NEBL: variants seen among roughly 807,000 people sequenced by gnomAD.
The protein encoded by NEBL is nebulette.
Under a neutral mutation model 140.2 loss-of-function variants are expected in NEBL, and 122 were observed. That is an observed-to-expected ratio of 0.87 (90% confidence interval 0.75 to 1.01). The LOEUF (loss-of-function observed/expected upper bound fraction) is 1.01, where lower values mean the gene tolerates loss of function less well. Among genes scored for constraint, NEBL ranks in the 50% least tolerant of loss-of-function variants. The pLI, the probability that NEBL is intolerant of heterozygous loss-of-function variation, is 0.00. For missense variants in NEBL, 1,365 were observed against 1,231.3 expected (o/e 1.11, Z -1.62); for synonymous variants, 436 against 398.9 (o/e 1.09, Z -1.11).
intron 5 of NEBL, among the ~76,000 whole-genome samples, chr10:20,875,223 G>T (rs557538902): frequency 6.6e-5 from 10 of 152,032 alleles, no homozygotes; most frequent in African/African-American, 2.4e-4. Context: ...TCCCACTTCT[G>T]TTTCATAAGA....
chr10:21,238,577 G>T (rs975793707), intron 3 of NEBL, among the ~76,000 whole-genome samples: 1 of 151,886 alleles, frequency 6.6e-6, no homozygotes, highest in Non-Finnish European at 1.5e-5. Context: ...GGGCTTGATG[G>T]TGCATGCCTG....
chr10:21,176,915 T>C (rs1202142488), upstream of NEBL, among the ~76,000 whole-genome samples: 1 of 152,240 alleles, frequency 6.6e-6, no homozygotes, highest in Non-Finnish European at 1.5e-5. Flanking sequence ...TCAATTATAA[T>C]CACCTTTATT....
intron 3 of NEBL, among the ~76,000 whole-genome samples, chr10:21,180,369 T>C (rs1841367996): frequency 1.3e-5 from 2 of 152,164 alleles, no homozygotes; most frequent in Admixed American, 6.5e-5. Context: ...GAAAGGGAGA[T>C]GGTATGATTC....
chr10:21,079,540 A>C (rs894454332), intron 2 of NEBL, among the ~76,000 whole-genome samples: 7 of 152,162 alleles, frequency 4.6e-5, no homozygotes, highest in Non-Finnish European at 1.0e-4. Flanking sequence ...GCAACACCAC[A>C]CAGCCTTCAG....
At chr10:21,281,335 G>A (rs1842990939) in intron 1 of NEBL, among the ~76,000 whole-genome samples, 1 of 151,742 alleles carries the variant, frequency 6.6e-6, no homozygotes. Context: ...TTTTGTGTGT[G>A]TGTTTTTAGA....
chr10:21,155,716 G>C (rs1435312453), intron 2 of NEBL, among the ~76,000 whole-genome samples: 1 of 152,212 alleles, frequency 6.6e-6, no homozygotes, highest in Non-Finnish European at 1.5e-5. Flanking sequence ...GACCAGAAGA[G>C]TGAAATAGGG....
At chr10:21,126,088 A>G in intron 2 of NEBL, 1 of 1,613,884 alleles carries the variant, frequency 6.2e-7, no homozygotes, top group Non-Finnish European at 8.5e-7. Flanking sequence ...GGGAGGCCTC[A>G]GGCCCTTCTC....
intron 2 of NEBL, among the ~76,000 whole-genome samples, chr10:21,099,084 G>A (rs1242139088): frequency 1.3e-5 from 2 of 152,204 alleles, no homozygotes; most frequent in Non-Finnish European, 2.9e-5. Context: ...AGTGAGCCAT[G>A]ATCGTGCCAC....
chr10:21,240,336 T>C (rs1842423058), intron 3 of NEBL, among the ~76,000 whole-genome samples: 2 of 152,262 alleles, frequency 1.3e-5, no homozygotes, highest in East Asian at 1.9e-4. Context: ...AATCGCTTGG[T>C]TCATTTTTTT....
At chr10:20,853,096 A>G (rs1842708941) in intron 9 of NEBL, among the ~76,000 whole-genome samples, 1 of 152,236 alleles carries the variant, frequency 6.6e-6, no homozygotes, top group Non-Finnish European at 1.5e-5. Flanking sequence ...GAGGCAAGGA[A>G]TAAAAAAGTC....
intron 2 of NEBL, among the ~76,000 whole-genome samples, chr10:21,115,188 T>C (rs143822902): frequency 1.8e-3 from 278 of 152,142 alleles, no homozygotes; most frequent in African/African-American, 6.1e-3. Flanking sequence ...CTTTTTCCCT[T>C]TTGCCCCTTC....
At chr10:20,786,798 G>A (rs536494860) in intron 27 of NEBL, among the ~76,000 whole-genome samples, 2 of 152,274 alleles carry the variant, frequency 1.3e-5, no homozygotes, top group South Asian at 2.1e-4. Flanking sequence ...TTTCCAATGG[G>A]GGATTTGAAG....
At chr10:20,798,756 T>C (rs74120665) in intron 26 of NEBL, among the ~76,000 whole-genome samples, 4,454 of 152,296 alleles carry the variant, frequency 0.029, 202 homozygotes, top group African/African-American at 0.1. Context: ...TAATGTTGTA[T>C]TGTTTCTAGT....
intron 3 of NEBL, among the ~76,000 whole-genome samples, chr10:21,195,130 C>T (rs1188351386): frequency 6.6e-6 from 1 of 152,058 alleles, no homozygotes; most frequent in Non-Finnish European, 1.5e-5. Flanking sequence ...AATTTCCTAG[C>T]CCTGTCAACC....
At position 20,787,290 on chromosome 10, in the gene NEBL, G is replaced by A. The variant is rs1461781149; in HGVS notation, c.2780C>T (p.Ala927Val). 6.2e-7 allele frequency: 1 copy of A among 1,612,962 alleles called. No homozygotes were observed. Among genetic ancestry groups the A allele is most frequent in the African/African-American group, 1.3e-5 (1 of 74,870 alleles). Residue 927 changes from alanine to valine, a missense_variant, in exon 27 of 28, where the codon GCC (alanine) becomes GTC (valine). Physicochemically the swap from Ala to Val is moderately conservative, Grantham distance 64 (BLOSUM62 0). This residue lies in a region of NEBL where 1,323 missense variants were observed against 1,154.8 expected (regional missense o/e 1.15). Transcript: ENST00000377122. ...GCCTTGGGAATGGCTTTGCTGATAG[G>A]CTCCGGGAAGAACAGGTGCTGCATG... ...SDEGAPVLPG[A>V]YQQSHSQGYG...
intron 7 of NEBL, among the ~76,000 whole-genome samples, chr10:20,864,094 T>G (rs1844015489): frequency 6.6e-6 from 1 of 152,206 alleles, no homozygotes; most frequent in Admixed American, 6.5e-5. Flanking sequence ...TTTAAAACAA[T>G]GCTAATTATT....
chr10:20,854,996 A>AGGCG (rs1842916356), intron 9 of NEBL, among the ~76,000 whole-genome samples: 1 of 152,056 alleles, frequency 6.6e-6, no homozygotes, highest in Non-Finnish European at 1.5e-5. Context: ...AGGCAGAGAC[A>AGGCG]GGCGGATCAT....
chr10:21,192,796 G>T (rs1377999812), intron 3 of NEBL, among the ~76,000 whole-genome samples: 2 of 148,650 alleles, frequency 1.3e-5, no homozygotes, highest in African/African-American at 5.0e-5. Flanking sequence ...AGTAAGCCAA[G>T]ATCATGCCTT....
At chr10:21,082,207 A>C (rs117535559) in intron 2 of NEBL, among the ~76,000 whole-genome samples, 1 of 152,318 alleles carries the variant, frequency 6.6e-6, no homozygotes, top group Non-Finnish European at 1.5e-5. Context: ...AGGTTAGTGG[A>C]AACTGAAGGA....
Sources: gnomAD v4.1 joint callset for allele counts (sites outside exome capture counted in the v4.1 genomes callset) on GRCh38, gnomAD v4.1.1 for gene constraint, gnomAD v4.1.1 regional missense constraint, MANE v1.5 for transcripts, NCBI Gene and HGNC (gene_info 2026-07-23, HGNC 2026-07-21) for gene names.